CACNA2D3: variants seen among roughly 807,000 people sequenced by gnomAD.
CACNA2D3 encodes voltage-dependent calcium channel subunit alpha-2/delta-3.
A neutral mutation model predicts 160.6 loss-of-function variants in CACNA2D3; 60 were observed. The observed-to-expected ratio is 0.37, with a 90% confidence interval of 0.30 to 0.46. CACNA2D3 has a LOEUF of 0.46. CACNA2D3 is among the 20% of genes least tolerant of loss of function. The pLI is 1.00. For synonymous variants in CACNA2D3, 558 were observed against 492.9 expected (o/e 1.13, Z -1.75); for missense variants, 1,205 against 1,365.0 (o/e 0.88, Z 1.85).
intron 27 of CACNA2D3, among the ~76,000 whole-genome samples, chr3:54,915,276 C>T (rs964648981): frequency 6.6e-6 from 1 of 152,178 alleles, no homozygotes; most frequent in African/African-American, 2.4e-5. Context: ...GTACATTCTT[C>T]ATGCCCCCTT....
intron 27 of CACNA2D3, chr3:54,918,558 A>G (rs776214240): frequency 1.2e-6 from 2 of 1,613,896 alleles, no homozygotes; most frequent in East Asian, 4.5e-5. Context: ...TGATTGCCGC[A>G]TAGGTGCAGC....
At chr3:54,540,727 A>G (rs1701958915) in intron 5 of CACNA2D3, among the ~76,000 whole-genome samples, 1 of 152,182 alleles carries the variant, frequency 6.6e-6, no homozygotes, top group East Asian at 1.9e-4. Context: ...TAAAGGCACT[A>G]ATTTCATCAT....
rs560179467 is a variant in CACNA2D3 at position 54,573,832 on chromosome 3, G to A, written c.888+3728G>A. Among the ~76,000 whole-genome samples the A allele has an allele frequency of 2.2e-4, 33 of 152,332 alleles. 1 individual carries two copies. The East Asian group carries it at 6.4e-3, about 29-fold the overall frequency. ...AATTGTCTCTCCCAATCCTAAGTGT[G>A]TTCTGCGAATTTTGCCTCGTTGAAT... On this transcript the variant is annotated intron_variant, in intron 8 of 37. Transcript: ENST00000474759.
At chr3:54,744,288 T>C (rs1440448355) in intron 11 of CACNA2D3, among the ~76,000 whole-genome samples, 2 of 152,222 alleles carry the variant, frequency 1.3e-5, no homozygotes, top group Admixed American at 6.5e-5. Context: ...GAAACCATTT[T>C]GATTTTGAGG....
intron 27 of CACNA2D3, among the ~76,000 whole-genome samples, chr3:54,927,626 A>C (rs532716827): frequency 3.3e-5 from 5 of 152,286 alleles, no homozygotes; most frequent in African/African-American, 9.6e-5. Context: ...CAAAGGAATA[A>C]TATACGAACT....
intron 36 of CACNA2D3, 60 bp from the exon 37 acceptor site, chr3:55,073,717 C>T: frequency 2.8e-6 from 4 of 1,427,676 alleles, no homozygotes; most frequent in Non-Finnish European, 3.9e-6. Flanking sequence ...CAAATTTTGA[C>T]CTCTGAAATG....
At chr3:54,155,921 G>A (rs1700235612) in intron 2 of CACNA2D3, among the ~76,000 whole-genome samples, 1 of 152,230 alleles carries the variant, frequency 6.6e-6, no homozygotes, top group African/African-American at 2.4e-5. Flanking sequence ...AAGATGCATA[G>A]AATGTCACTT....
intron 2 of CACNA2D3, among the ~76,000 whole-genome samples, chr3:54,192,719 G>A (rs1436588327): frequency 3.3e-5 from 5 of 152,028 alleles, no homozygotes; most frequent in African/African-American, 1.2e-4. Flanking sequence ...CCATGCTGCT[G>A]TAGATTATTC....
rs567107156 is a variant in CACNA2D3, at chr3:54,199,373, T to C, written c.204+75779T>C. On this transcript the variant is annotated intron_variant, in intron 2 of 37. Transcript: ENST00000474759. ...GCTTTCTCTTTTTAAAAATTTTATT[T>C]ATTTATTTTTGAGACAGGGTCTTAC... 2.0e-4 allele frequency among the ~76,000 whole-genome samples: 31 copies of C among 152,178 alleles called. 1 individual carries two copies. In the East Asian group the frequency reaches 5.2e-3, roughly 26 times the overall value.
chr3:54,316,496 C>T (rs1460088216), intron 2 of CACNA2D3, among the ~76,000 whole-genome samples: 3 of 152,096 alleles, frequency 2.0e-5, no homozygotes, highest in Non-Finnish European at 2.9e-5. Flanking sequence ...AGATACTTCC[C>T]CAGGATGATA....
chr3:54,166,715 T>C (rs1700464681), intron 2 of CACNA2D3, among the ~76,000 whole-genome samples: 1 of 152,220 alleles, frequency 6.6e-6, no homozygotes. Context: ...AAAAGTTTGT[T>C]GCACTTATCA....
At position 54,816,666 on chromosome 3, in the gene CACNA2D3, G is replaced by A. The variant is rs976434462; in HGVS notation, c.1381-187G>A. Among the ~76,000 whole-genome samples the A allele has an allele frequency of 3.9e-4, 60 of 152,294 alleles. 1 individual carries two copies. The highest frequency in any genetic ancestry group is 6.8e-3 in the Middle Eastern group (2 of 294). ...ATTATCTGTTGATACCACAAATTCA[G>A]AAAGCAGGTCAAATAATCAGCACTG... On this transcript the variant is annotated intron_variant, in intron 13 of 37. Coordinates refer to ENST00000474759, the MANE Select transcript of CACNA2D3 (RefSeq NM_018398.3).
chr3:54,800,021 T>G (rs916951139), intron 13 of CACNA2D3, among the ~76,000 whole-genome samples: 7 of 152,220 alleles, frequency 4.6e-5, no homozygotes, highest in Non-Finnish European at 5.9e-5. Context: ...TTATGAAACA[T>G]TTTTTTGCAA....
At chr3:54,554,868 C>CTTTTTTTTTTTTTTTTTT (rs1248489904) in intron 5 of CACNA2D3, among the ~76,000 whole-genome samples, 3 of 88,170 alleles carry the variant, frequency 3.4e-5, no homozygotes, top group African/African-American at 1.5e-4. Flanking sequence ...CTCTCTCACT[C>CTTTTTTTTTTTTTTTTTT]TCTTTTTTTT....
At chr3:54,404,316 C>T (rs1296593648) in intron 4 of CACNA2D3, among the ~76,000 whole-genome samples, 1 of 152,046 alleles carries the variant, frequency 6.6e-6, no homozygotes, top group Non-Finnish European at 1.5e-5. Flanking sequence ...AGAGATGTAT[C>T]CCTGGCCATG....
At chr3:54,438,394 G>A (rs1341865278) in intron 4 of CACNA2D3, among the ~76,000 whole-genome samples, 3 of 152,066 alleles carry the variant, frequency 2.0e-5, no homozygotes, top group African/African-American at 4.8e-5. Flanking sequence ...CCAAAATAAG[G>A]ACCACGAAGA....
chr3:54,975,672 T>G (rs965913066), intron 29 of CACNA2D3, among the ~76,000 whole-genome samples: 10 of 152,138 alleles, frequency 6.6e-5, no homozygotes, highest in African/African-American at 2.4e-4. Flanking sequence ...CTTACCAAAA[T>G]GAGTGGTTCA....
At chr3:54,763,812 C>CGT (rs1553838773) in intron 12 of CACNA2D3, among the ~76,000 whole-genome samples, 703 of 41,736 alleles carry the variant, frequency 0.017, 124 homozygotes, top group African/African-American at 0.04. Flanking sequence ...CATATATATA[C>CGT]ATATATATAT....
intron 33 of CACNA2D3, 55 bp downstream of exon 33, chr3:55,007,897 T>G (rs1378631899): frequency 8.2e-7 from 1 of 1,222,284 alleles, no homozygotes; most frequent in Non-Finnish European, 1.1e-6. Flanking sequence ...CCTTTTTGTA[T>G]CATAAAGTGA....
Sources: gnomAD v4.1 joint callset for allele counts (sites outside exome capture counted in the v4.1 genomes callset) on GRCh38, gnomAD v4.1.1 for gene constraint, MANE v1.5 for transcripts, NCBI Gene and HGNC (gene_info 2026-07-23, HGNC 2026-07-21) for gene names.